The following PLPP4 variants were observed in gnomAD, a reference collection of about 807,000 sequenced individuals.
The protein encoded by PLPP4 is phospholipid phosphatase 4, also known as diacylglycerol pyrophosphate like 2.
A neutral mutation model predicts 32.2 loss-of-function variants in PLPP4; 20 were observed. That is an observed-to-expected ratio of 0.62 (90% CI 0.44 to 0.90). PLPP4 has a LOEUF of 0.90. Ranked by LOEUF, PLPP4 falls within the 40% of genes least tolerant of loss-of-function variation. PLPP4 has a pLI of 0.00. For synonymous variants in PLPP4, 127 were observed against 133.0 expected, an observed-to-expected ratio of 0.95 and a Z score of 0.31; for missense variants, 257 against 353.1, an observed-to-expected ratio of 0.73 and a Z score of 2.18.
intron 4 of PLPP4, among the ~76,000 whole-genome samples, chr10:120,519,290 A>G (rs1412180647): frequency 2.0e-5 from 3 of 152,104 alleles, no homozygotes; most frequent in Non-Finnish European, 4.4e-5. Flanking sequence ...GCCTTGGCTT[A>G]TGGCACATTT....
rs146787847 is a variant in PLPP4, at chr10:120,462,550, C to T, written c.56+5189C>T. Among the ~76,000 whole-genome samples, 25 of 152,312 alleles carry T rather than the reference C, an allele frequency of 1.6e-4. No individual in the cohort carries two copies. The East Asian group carries it at 4.4e-3, about 27-fold the overall frequency. ...TCTTTAACTTCTTTGCTTTCCCCTG[C>T]TCCCAGCCTAGCCTTGGCACAAGCA... On this transcript the variant is annotated intron_variant, in intron 1 of 6. Coordinates refer to ENST00000398250, the MANE Select transcript of PLPP4 (RefSeq NM_001030059.3).
intron 5 of PLPP4, among the ~76,000 whole-genome samples, chr10:120,530,157 A>C (rs945094578): frequency 3.3e-5 from 5 of 152,190 alleles, no homozygotes; most frequent in Admixed American, 1.3e-4. Flanking sequence ...TTTTAAGGTA[A>C]AATTAGCATC....
chr10:120,462,328 TG>T (rs947743403), intron 1 of PLPP4, among the ~76,000 whole-genome samples: 3 of 151,912 alleles, frequency 2.0e-5, no homozygotes, highest in Admixed American at 1.3e-4. Context: ...GAGGCAAAAC[TG>T]GGGGGGCCTG....
intron 5 of PLPP4, among the ~76,000 whole-genome samples, chr10:120,558,696 T>C (rs894271231): frequency 2.0e-5 from 3 of 152,132 alleles, no homozygotes; most frequent in African/African-American, 7.2e-5. Context: ...GGATTATAGG[T>C]GTGAGCCACC....
In PLPP4 at chr10:120,503,906, A is replaced by C; in HGVS notation, c.145A>C (p.Ile49Leu). ...AAATCCTTTGGTGCAATCAGATAAC[A>C]TACCTACCCGCCTCATGTTTGTAAG... Reference protein sequence around the residue: ...YKNPLVQSDNIPTRLMFAISF... With the variant: ...YKNPLVQSDNLPTRLMFAISF... Residue 49 changes from isoleucine to leucine, a missense_variant, in exon 2 of 7, where the codon ATA (isoleucine) becomes CTA (leucine). Coordinates refer to ENST00000398250, the MANE Select transcript of PLPP4 (RefSeq NM_001030059.3). 1 of 1,608,448 alleles carries C rather than the reference A, an allele frequency of 6.2e-7. No homozygotes were observed. Among genetic ancestry groups the C allele is most frequent in the Non-Finnish European group, 8.5e-7 (1 of 1,174,772 alleles).
At chr10:120,581,132 CT>C (rs1168427715) in intron 6 of PLPP4, 1 of 1,213,710 alleles carries the variant, frequency 8.2e-7, no homozygotes, top group African/African-American at 1.6e-5. Context: ...GACTTCTGCC[CT>C]CTTCCTGCCT....
At chr10:120,472,441 T>G (rs1848559795) in intron 1 of PLPP4, among the ~76,000 whole-genome samples, 1 of 152,186 alleles carries the variant, frequency 6.6e-6, no homozygotes, top group Non-Finnish European at 1.5e-5. Flanking sequence ...TTTCTGATGA[T>G]AAGTCAGCTT....
intron 1 of PLPP4, among the ~76,000 whole-genome samples, chr10:120,479,245 A>C (rs1041647529): frequency 3.4e-5 from 5 of 147,454 alleles, no homozygotes; most frequent in African/African-American, 1.3e-4. Flanking sequence ...CAAAACAAAA[A>C]CAAACCAAAA....
At chr10:120,501,688 A>G (rs2133862280) in intron 1 of PLPP4, among the ~76,000 whole-genome samples, 1 of 152,290 alleles carries the variant, frequency 6.6e-6, no homozygotes, top group South Asian at 2.1e-4. Context: ...CTTGGATCCA[A>G]GGGTTTGGGA....
At chr10:120,550,930 A>G (rs553196497) in intron 5 of PLPP4, among the ~76,000 whole-genome samples, 1 of 152,262 alleles carries the variant, frequency 6.6e-6, no homozygotes, top group Non-Finnish European at 1.5e-5. Flanking sequence ...CTGCTTTTCA[A>G]AAGATATTCT....
intron 1 of PLPP4, among the ~76,000 whole-genome samples, chr10:120,489,765 A>G (rs1321486347): frequency 6.6e-6 from 1 of 152,186 alleles, no homozygotes; most frequent in African/African-American, 2.4e-5. Flanking sequence ...TTTAACATGG[A>G]GCAGCTCAAA....
intron 1 of PLPP4, among the ~76,000 whole-genome samples, chr10:120,502,896 G>A (rs905351883): frequency 6.6e-6 from 1 of 152,124 alleles, no homozygotes; most frequent in Non-Finnish European, 1.5e-5. Flanking sequence ...GCTCCCCTGC[G>A]CTCCTCATCT....
chr10:120,529,818 G>A (rs573893400), intron 5 of PLPP4, among the ~76,000 whole-genome samples: 1 of 152,108 alleles, frequency 6.6e-6, no homozygotes, highest in Non-Finnish European at 1.5e-5. Context: ...AAGAAGCCAG[G>A]GATTGTGGCA....
At chr10:120,563,881 T>C (rs1041698417) in intron 5 of PLPP4, among the ~76,000 whole-genome samples, 2 of 151,994 alleles carry the variant, frequency 1.3e-5, no homozygotes, top group African/African-American at 4.8e-5. Context: ...TTTTAGTAAT[T>C]TTTATTTGTT....
intron 1 of PLPP4, among the ~76,000 whole-genome samples, chr10:120,474,681 A>C (rs976019695): frequency 6.6e-6 from 1 of 152,176 alleles, no homozygotes; most frequent in African/African-American, 2.4e-5. Flanking sequence ...TCCTGACACA[A>C]AAAAAATCAT....
intron 6 of PLPP4, among the ~76,000 whole-genome samples, chr10:120,588,668 A>G (rs760436620): frequency 7.9e-5 from 12 of 152,240 alleles, no homozygotes; most frequent in Non-Finnish European, 1.8e-4. Context: ...GATGGCTTGA[A>G]TTCTTCTTCC....
intron 5 of PLPP4, among the ~76,000 whole-genome samples, chr10:120,549,894 A>C (rs1005472870): frequency 5.3e-5 from 8 of 152,166 alleles, no homozygotes; most frequent in Non-Finnish European, 7.4e-5. Context: ...TTAGTGGTGA[A>C]AGATTGAATG....
At chr10:120,514,794 A>C (rs980309425) in intron 3 of PLPP4, among the ~76,000 whole-genome samples, 2 of 152,028 alleles carry the variant, frequency 1.3e-5, no homozygotes, top group African/African-American at 2.4e-5. Flanking sequence ...AATCAGGTTG[A>C]TTTTTTCTTT....
intron 6 of PLPP4, chr10:120,581,224 C>G (rs1292458347): frequency 1.0e-6 from 1 of 985,270 alleles, no homozygotes; most frequent in Admixed American, 6.1e-5. Flanking sequence ...CACTGGCATC[C>G]TTCCTTTGTT....
Sources: gnomAD v4.1 joint callset for allele counts (sites outside exome capture counted in the v4.1 genomes callset) on GRCh38, gnomAD v4.1.1 for gene constraint, MANE v1.5 for transcripts, NCBI Gene and HGNC (gene_info 2026-07-23, HGNC 2026-07-21) for gene names.